The following U2AF2 variants were observed in gnomAD, a reference collection of about 807,000 sequenced individuals.
U2AF2 encodes splicing factor U2AF 65 kDa subunit.
Under a neutral mutation model 52.6 loss-of-function variants are expected in U2AF2, and 6 were observed. The observed-to-expected ratio is 0.11, with a 90% CI of 0.06 to 0.23. The LOEUF (loss-of-function observed/expected upper bound fraction) is 0.23. Ranked by LOEUF, U2AF2 falls within the 10% of genes least tolerant of loss-of-function variation. The probability of loss-of-function intolerance (pLI) is 1.00; values close to 1 mark genes in which losing one functional copy is unlikely to be tolerated. For missense variants in U2AF2, 222 were observed against 677.1 expected (o/e 0.33, Z 7.46); for synonymous variants, 284 against 258.2 (o/e 1.10, Z -0.96).
At position 55,674,385 on chromosome 19, in the gene U2AF2, A is replaced by C; in HGVS notation, c.*317A>C. The stretch of plus-strand genomic sequence containing the variant: ...GGGTAGGACCCCAGCCCCTCCCAAA[A>C]CAGCCTCTCCTTCTCCCATAGACCC... On this transcript the variant is annotated 3_prime_UTR_variant, in exon 12 of 12. Transcript: ENST00000308924. 1 of 301,240 alleles carries C rather than the reference A, an allele frequency of 3.3e-6. No homozygotes were observed. Among genetic ancestry groups the C allele is most frequent in the East Asian group, 7.4e-5 (1 of 13,490 alleles). The allele number at this position is 301,240 out of a possible 1,614,324, so 18.7% of individuals were successfully genotyped here. A position where few individuals can be genotyped will look rare whatever the true frequency, so the allele number is the denominator to read the frequency against.
chr19:55,673,400 G>C (rs1985055084), intron 11 of U2AF2, among the ~76,000 whole-genome samples: 1 of 151,630 alleles, frequency 6.6e-6, no homozygotes, highest in Admixed American at 6.6e-5. Context: ...TGTTCGTGTA[G>C]GCTCATTGTA....
chr19:55,671,497 C>G (rs997310666), intron 11 of U2AF2: 3 of 152,202 alleles, frequency 2.0e-5, no homozygotes, highest in African/African-American at 7.2e-5. Context: ...AGCATGAGGG[C>G]TGATGGACAC....
chr19:55,655,375 C>G (rs1983715562), intron 1 of U2AF2, among the ~76,000 whole-genome samples: 1 of 152,154 alleles, frequency 6.6e-6, no homozygotes, highest in South Asian at 2.1e-4. Flanking sequence ...GACGCATGCG[C>G]ACGGCGGCTG....
At position 55,674,059 on chromosome 19, in the gene U2AF2, C is replaced by A. The variant is rs1368511173; in HGVS notation, c.1419C>A (p.Asp473Glu). ...ACCCCGACTCTTATCACCGCCGGGACTTCTGGTAGAGGCGGCTGGGGGAGG... is the reference window on the plus strand; with the variant it reads ...ACCCCGACTCTTATCACCGCCGGGAATTCTGGTAGAGGCGGCTGGGGGAGG... ...YCDPDSYHRR[D>E]FW Residue 473 changes from aspartate (D) to glutamate (E), a missense_variant, in exon 12 of 12, where the codon GAC becomes GAA. Physicochemically the swap from Asp to Glu is conservative, Grantham distance 45. Coordinates refer to ENST00000308924, the MANE Select transcript of U2AF2 (RefSeq NM_007279.3). 1 of 1,381,852 alleles carries A rather than the reference C, an allele frequency of 7.2e-7. No individual in the cohort carries two copies. The highest frequency in any genetic ancestry group is 1.9e-5 in the Admixed American group (1 of 52,470). 85.6% of individuals were successfully genotyped at this position (1,381,852 alleles called of 1,614,324 possible).
chr19:55,656,779 CAT>C (rs1983822854), intron 1 of U2AF2, among the ~76,000 whole-genome samples: 1 of 152,186 alleles, frequency 6.6e-6, no homozygotes, highest in Non-Finnish European at 1.5e-5. Context: ...AATGGGGTAA[CAT>C]GTAAAGTGTG....
chr19:55,672,535 G>C (rs1227331285), intron 11 of U2AF2, among the ~76,000 whole-genome samples: 1 of 152,118 alleles, frequency 6.6e-6, no homozygotes, highest in Non-Finnish European at 1.5e-5. Flanking sequence ...ACTCCCTGCT[G>C]AGACACCCAA....
intron 2 of U2AF2, among the ~76,000 whole-genome samples, chr19:55,659,906 G>A (rs939740143): frequency 1.3e-5 from 2 of 152,128 alleles, no homozygotes; most frequent in East Asian, 1.9e-4. Flanking sequence ...CAGGATAGGC[G>A]GAAGTCCTCC....
At chr19:55,664,400 C>T (rs769321658) in intron 7 of U2AF2, among the ~76,000 whole-genome samples, 1 of 152,244 alleles carries the variant, frequency 6.6e-6, no homozygotes, top group Non-Finnish European at 1.5e-5. Flanking sequence ...ACAGAATGGT[C>T]TCCCTTTAGA....
intron 11 of U2AF2, among the ~76,000 whole-genome samples, chr19:55,673,706 T>C (rs1219069269): frequency 6.6e-6 from 1 of 152,230 alleles, no homozygotes; most frequent in African/African-American, 2.4e-5. Flanking sequence ...ATGTCTCTAT[T>C]CTTTCTCCCT....
At chr19:55,672,681 C>T (rs973521727) in intron 11 of U2AF2, among the ~76,000 whole-genome samples, 2 of 151,806 alleles carry the variant, frequency 1.3e-5, no homozygotes, top group Non-Finnish European at 2.9e-5. Flanking sequence ...ATTAGATTAG[C>T]GAAATTCCTT....
At chr19:55,661,296 C>G in intron 5 of U2AF2, 107 bp downstream of exon 5, 1 of 1,229,976 alleles carries the variant, frequency 8.1e-7, no homozygotes, top group Non-Finnish European at 1.1e-6. Context: ...TCTGCTCCTG[C>G]AAGACCCCCC....
Position 55,668,644 on chromosome 19 carries a change from C to T in U2AF2, c.823-26C>T. 1.2e-6 allele frequency: 2 copies of T among 1,605,508 alleles called. No homozygotes were observed. The highest frequency in any genetic ancestry group is 8.5e-7 in the Non-Finnish European group (1 of 1,173,702). On this transcript the variant is annotated intron_variant, in intron 8 of 11. Transcript: ENST00000308924. This position sits in a 1 kb window ranked among gnomAD's most constrained non-coding sequence, Gnocchi z 5.5. ...CCCACCCCGCCCCACCTCATCCCAG[C>T]CCTGATGGACTCTCGGCTACTGCAG...
At chr19:55,665,591 A>C (rs552581883) in intron 7 of U2AF2, among the ~76,000 whole-genome samples, 90 of 152,332 alleles carry the variant, frequency 5.9e-4, no homozygotes, top group Middle Eastern at 3.4e-3. Flanking sequence ...GTTCTACGAC[A>C]CAGGGATTGG....
chr19:55,655,274 G>C (rs1983704445), intron 1 of U2AF2, 121 bp downstream of exon 1: 12 of 1,092,828 alleles, frequency 1.1e-5, no homozygotes, highest in Non-Finnish European at 1.5e-5. Flanking sequence ...CCCCAACCCT[G>C]GTTCCGTGGC....
chr19:55,660,518 G>GCC lies in U2AF2; in HGVS notation c.233_234insCC (p.Ser79LeufsTer48). ...CTCTCCCCTCCCACCTCCCCCAGTC[G>GCC]TTCCCCCCGCCACGAGAAGAAGAAG... is the stretch of plus-strand genomic sequence containing the variant. On this transcript the variant is annotated frameshift_variant, in exon 4 of 12. Coordinates refer to ENST00000308924, the MANE Select transcript of U2AF2 (RefSeq NM_007279.3). LOFTEE classifies it high-confidence loss of function. 1 of 1,376,524 alleles carries GCC rather than the reference G, an allele frequency of 7.3e-7. No individual in the cohort carries two copies. Among genetic ancestry groups the GCC allele is most frequent in the South Asian group, 1.5e-5 (1 of 68,296 alleles). 85.3% of individuals were successfully genotyped at this position (1,376,524 alleles called of 1,614,324 possible). A position where few individuals can be genotyped will look rare whatever the true frequency, so the allele number is the denominator to read the frequency against.
chr19:55,669,845 AGGT>A (rs1359451828), intron 11 of U2AF2, among the ~76,000 whole-genome samples, 153 bp downstream of exon 11: 2 of 151,746 alleles, frequency 1.3e-5, no homozygotes, highest in Non-Finnish European at 2.9e-5. Flanking sequence ...GCGTGCGTAT[AGGT>A]GTATGCCATC....
At position 55,657,024 on chromosome 19, in the gene U2AF2, TTTG is replaced by T. The variant is rs1238816391; in HGVS notation, c.49+1877_49+1879del. The stretch of plus-strand genomic sequence containing the variant: ...AAGGCTAAGTTGCTTTTGCATGGTT[TTTG>T]TTGTTCATAAGCAGAAAAGCAGGTA... On this transcript the variant is annotated intron_variant, in intron 1 of 11. Coordinates refer to ENST00000308924, the MANE Select transcript of U2AF2 (RefSeq NM_007279.3). Among the ~76,000 whole-genome samples, 4 of 152,322 alleles carry T rather than the reference TTTG, an allele frequency of 2.6e-5. No individual in the cohort carries two copies. The South Asian group carries it at 6.2e-4, about 24-fold the overall frequency.
chr19:55,662,591 C>T lies in U2AF2; in HGVS notation c.576C>T (p.Asn192=), dbSNP rs777643449. 5.0e-6 allele frequency: 8 copies of T among 1,611,660 alleles called. No individual in the cohort carries two copies. In the Admixed American group the frequency reaches 6.7e-5, roughly 13 times the overall value. Residue 192 remains asparagine, a synonymous_variant, in exon 6 of 12, where the codon AAC becomes AAT. Coordinates refer to ENST00000308924, the MANE Select transcript of U2AF2 (RefSeq NM_007279.3). ...PGNPVLAVQI[N]QDKNFAFLEF... is the part of the protein sequence containing the mutation. The stretch of plus-strand genomic sequence containing the variant: ...ACCCAGTGTTGGCTGTGCAGATTAA[C>T]CAGGACAAGAATTTTGCCTTTTTGG...
chr19:55,669,526 A>C lies in U2AF2; in HGVS notation c.1127A>C (p.Glu376Ala). 1 of 1,613,818 alleles carries C rather than the reference A, an allele frequency of 6.2e-7. No individual in the cohort carries two copies. Residue 376 changes from glutamate to alanine, a missense_variant, in exon 11 of 12, where the codon GAG becomes GCG. Coordinates refer to ENST00000308924, the MANE Select transcript of U2AF2 (RefSeq NM_007279.3). ...GTGCAGATGGGCGGCCACCCGACTG[A>C]GGTCCTGTGCCTCATGAACATGGTG... is the stretch of plus-strand genomic sequence containing the variant. ...SQVQMGGHPT[E>A]VLCLMNMVLP... is the part of the protein sequence containing the mutation.
Sources: gnomAD v4.1 joint callset for allele counts (sites outside exome capture counted in the v4.1 genomes callset) on GRCh38, gnomAD v4.1.1 for gene constraint, Gnocchi (gnomAD v3.1) non-coding constraint, MANE v1.5 for transcripts, NCBI Gene and HGNC (gene_info 2026-07-23, HGNC 2026-07-21) for gene names.